SCN10A: variants seen among roughly 807,000 people sequenced by gnomAD.
SCN10A encodes the protein sodium channel protein type 10 subunit alpha.
SCN10A carries 162 observed loss-of-function variants against 170.7 expected under a neutral mutation model. The ratio of observed to expected loss-of-function variants is 0.95; its 90% CI spans 0.84 to 1.08. SCN10A has a LOEUF of 1.08. Among genes scored for constraint, SCN10A ranks in the 50% least tolerant of loss-of-function variants. The probability of loss-of-function intolerance (pLI) is 0.00; values close to 1 mark genes in which losing one functional copy is unlikely to be tolerated. For synonymous variants in SCN10A, 985 were observed against 904.6 expected (o/e 1.09, Z -1.59); for missense variants, 2,527 against 2,436.9 (o/e 1.04, Z -0.78).
At chr3:38,806,622 T>C (rs1323717944) in intron 1 of SCN10A, among the ~76,000 whole-genome samples, 1 of 152,146 alleles carries the variant, frequency 6.6e-6, no homozygotes, top group Non-Finnish European at 1.5e-5. Flanking sequence ...GCCCTACTTA[T>C]CTGACACTGT....
chr3:38,754,253 C>T (rs2063779250), intron 11 of SCN10A, among the ~76,000 whole-genome samples: 1 of 152,186 alleles, frequency 6.6e-6, no homozygotes, highest in Non-Finnish European at 1.5e-5. Flanking sequence ...CCTATCCAGC[C>T]CCATAAGAGT....
intron 25 of SCN10A, among the ~76,000 whole-genome samples, chr3:38,708,756 G>T (rs549496498): frequency 1.3e-5 from 2 of 152,126 alleles, no homozygotes; most frequent in Non-Finnish European, 2.9e-5. Flanking sequence ...GACTCAGAGG[G>T]GTTTAAAATA....
intron 26 of SCN10A, among the ~76,000 whole-genome samples, chr3:38,705,713 G>T (rs2063203351): frequency 6.6e-6 from 1 of 152,302 alleles, no homozygotes; most frequent in East Asian, 1.9e-4. Flanking sequence ...TGAGTAGTAT[G>T]TGGGGGAAGG....
At chr3:38,802,317 A>G (rs1166339186) in intron 1 of SCN10A, among the ~76,000 whole-genome samples, 3 of 152,166 alleles carry the variant, frequency 2.0e-5, no homozygotes, top group African/African-American at 7.2e-5. Flanking sequence ...CATTTGAAAC[A>G]TTAAATTTAT....
chr3:38,807,956 C>G (rs778942549), intron 1 of SCN10A, among the ~76,000 whole-genome samples: 23 of 152,282 alleles, frequency 1.5e-4, no homozygotes, highest in Middle Eastern at 3.4e-3. Context: ...TGCCTACTTT[C>G]ATAGCAACCA....
At chr3:38,751,077 T>C (rs2063742068) in intron 12 of SCN10A, among the ~76,000 whole-genome samples, 1 of 152,198 alleles carries the variant, frequency 6.6e-6, no homozygotes, top group Non-Finnish European at 1.5e-5. Context: ...GTTTGGTTAA[T>C]GGGAGACATA....
chr3:38,735,987 A>G (rs1013636471), intron 15 of SCN10A, among the ~76,000 whole-genome samples: 2 of 152,196 alleles, frequency 1.3e-5, no homozygotes, highest in African/African-American at 2.4e-5. Flanking sequence ...GGTTAATTTG[A>G]TGAAGGAATC....
intron 4 of SCN10A, among the ~76,000 whole-genome samples, chr3:38,779,579 A>G (rs897625361): frequency 3.3e-5 from 5 of 151,330 alleles, no homozygotes; most frequent in Non-Finnish European, 5.9e-5. Flanking sequence ...TCCTTTTTCT[A>G]GTTTTGTTAG....
intron 13 of SCN10A, among the ~76,000 whole-genome samples, chr3:38,745,496 A>C (rs1342755958): frequency 6.6e-6 from 1 of 152,072 alleles, no homozygotes; most frequent in Non-Finnish European, 1.5e-5. Context: ...TCCCCCAAAC[A>C]CAAAAACCAA....
chr3:38,723,992 G>A (rs895606663), intron 18 of SCN10A, among the ~76,000 whole-genome samples: 1 of 152,180 alleles, frequency 6.6e-6, no homozygotes, highest in Admixed American at 6.5e-5. Context: ...GGCCCCTCCT[G>A]CCTAGCCGGG....
At position 38,771,281 on chromosome 3, in the gene SCN10A, C is replaced by T; in HGVS notation, c.597G>A (p.Leu199=). The change falls in exon 5 of 28, where the codon CTG becomes CTA. Residue 199 remains leucine (L), a splice_region_variant and synonymous_variant. Coordinates refer to ENST00000449082, the MANE Select transcript of SCN10A (RefSeq NM_006514.4). The part of the protein sequence containing the change: ...WNWLDFSVIT[L]AYVGTAIDLR... ...GATCTGCATAGAGATATACTCACGCCAGGGTAATGACGCTAAAATCCAGCC... is the reference window on the plus strand; with the variant it reads ...GATCTGCATAGAGATATACTCACGCTAGGGTAATGACGCTAAAATCCAGCC... The T allele has an allele frequency of 6.2e-7, 1 of 1,613,928 alleles. No homozygotes were observed. The highest frequency in any genetic ancestry group is 8.5e-7 in the Non-Finnish European group (1 of 1,179,884).
At chr3:38,808,366 A>C (rs1188678840) in intron 1 of SCN10A, among the ~76,000 whole-genome samples, 3 of 152,104 alleles carry the variant, frequency 2.0e-5, no homozygotes, top group Non-Finnish European at 4.4e-5. Flanking sequence ...TGAACTGGAC[A>C]AGTTTTCTTT....
chr3:38,705,305 G>C (rs1299252799), intron 26 of SCN10A, among the ~76,000 whole-genome samples: 2 of 152,226 alleles, frequency 1.3e-5, no homozygotes, highest in Non-Finnish European at 2.9e-5. Context: ...GCTAGCAAAA[G>C]GTTGAGAGTG....
intron 27 of SCN10A, among the ~76,000 whole-genome samples, chr3:38,701,305 TATCA>T (rs947707030): frequency 6.6e-6 from 1 of 152,266 alleles, no homozygotes; most frequent in Non-Finnish European, 1.5e-5. Flanking sequence ...TTGACTTTTC[TATCA>T]CTCATGTTCC....
At chr3:38,756,096 A>C in intron 10 of SCN10A, 138 bp from the exon 11 acceptor site, 1 of 887,162 alleles carries the variant, frequency 1.1e-6, no homozygotes, top group African/African-American at 1.7e-5. Flanking sequence ...TGGTGGTGGG[A>C]TTAGGCCATG....
At chr3:38,781,594 A>C (rs901702961) in intron 4 of SCN10A, among the ~76,000 whole-genome samples, 2 of 152,098 alleles carry the variant, frequency 1.3e-5, no homozygotes, top group Non-Finnish European at 2.9e-5. Flanking sequence ...CAGGTGAAAC[A>C]CTTCCATAAC....
At chr3:38,728,406 T>C (rs1377242608) in intron 16 of SCN10A, 136 bp downstream of exon 16, 6 of 919,520 alleles carry the variant, frequency 6.5e-6, no homozygotes, top group Non-Finnish European at 9.3e-6. Flanking sequence ...CCCACATGAA[T>C]TTGAAAAGTT....
chr3:38,760,754 A>T lies in SCN10A; in HGVS notation c.884-7T>A. 2 of 1,610,676 alleles carry T rather than the reference A, an allele frequency of 1.2e-6. No individual in the cohort carries two copies. Among genetic ancestry groups the T allele is most frequent in the South Asian group, 2.2e-5 (2 of 90,992 alleles). On this transcript the variant is annotated splice_polypyrimidine_tract_variant and splice_region_variant and intron_variant, in intron 7 of 27. Coordinates refer to ENST00000449082, the MANE Select transcript of SCN10A (RefSeq NM_006514.4). ...TTATTTATGTAGATATCTGCTGAAG[A>T]AAGGAAGAAAAGAAAGCCTCACAGA...
rs1314624249 is a variant in SCN10A at position 38,698,063 on chromosome 3, T to C, written c.5157A>G (p.Ala1719=). The change falls in exon 28 of 28, where the codon GCA becomes GCG. Residue 1719 remains alanine (A), a synonymous_variant. Coordinates refer to ENST00000449082, the MANE Select transcript of SCN10A (RefSeq NM_006514.4). ...SFLIMVNMYI[A]VILENFNVAT... ...CCACATTGAAGTTCTCCAGAATCACTGCAATGTACATGTTGACCATGATGA... is the reference window on the plus strand; with the variant it reads ...CCACATTGAAGTTCTCCAGAATCACCGCAATGTACATGTTGACCATGATGA... 6.2e-7 allele frequency: 1 copy of C among 1,614,056 alleles called. No individual in the cohort carries two copies. Among genetic ancestry groups the C allele is most frequent in the Non-Finnish European group, 8.5e-7 (1 of 1,180,050 alleles).
Sources: gnomAD v4.1 joint callset for allele counts (sites outside exome capture counted in the v4.1 genomes callset) on GRCh38, gnomAD v4.1.1 for gene constraint, MANE v1.5 for transcripts, NCBI Gene and HGNC (gene_info 2026-07-23, HGNC 2026-07-21) for gene names.